Variants in CYP19A1 observed in about 807,000 individuals in gnomAD.
The protein encoded by CYP19A1 is cytochrome P450 family 19 subfamily A member 1.
In CYP19A1, 32 loss-of-function variants were observed where a neutral mutation model predicts 44.4. The ratio of observed to expected loss-of-function variants is 0.72; its 90% CI spans 0.54 to 0.97. The LOEUF (loss-of-function observed/expected upper bound fraction) is 0.97. CYP19A1 is among the 50% of genes least tolerant of loss of function. The pLI is 0.00. For missense variants in CYP19A1, 598 were observed against 637.8 expected, an observed-to-expected ratio of 0.94 and a Z score of 0.67; for synonymous variants, 212 against 215.6, an observed-to-expected ratio of 0.98 and a Z score of 0.14.
intron 1 of CYP19A1, among the ~76,000 whole-genome samples, chr15:51,288,580 C>T (rs952084845): frequency 7.2e-5 from 11 of 152,208 alleles, no homozygotes; most frequent in African/African-American, 2.7e-4. Flanking sequence ...TGGCCCACTA[C>T]AGAGAAACTC....
rs140924595 is a variant in CYP19A1 at position 51,220,978 on chromosome 15, T to C, written c.628+1371A>G. Among the ~76,000 whole-genome samples the C allele has an allele frequency of 9.5e-3, 1,442 of 151,952 alleles. 9 individuals are homozygous for C. Among genetic ancestry groups the C allele is most frequent in the Middle Eastern group, 0.037 (11 of 294 alleles). On this transcript the variant is annotated intron_variant, in intron 5 of 9. Coordinates refer to ENST00000396402, the MANE Select transcript of CYP19A1 (RefSeq NM_000103.4). ...GGTGGTAGAGTTGCATGCACATGTT[T>C]TTTTTTTTTCATCAGTAGAGTGATT...
chr15:51,292,650 G>A (rs145072321), intron 1 of CYP19A1, among the ~76,000 whole-genome samples: 113 of 152,248 alleles, frequency 7.4e-4, no homozygotes, highest in South Asian at 1.5e-3. Context: ...CTTGCACGGG[G>A]GCCAAGGGAG....
At chr15:51,282,522 A>T (rs1237331905) in intron 1 of CYP19A1, among the ~76,000 whole-genome samples, 2 of 152,172 alleles carry the variant, frequency 1.3e-5, no homozygotes, top group African/African-American at 2.4e-5. Flanking sequence ...TCTTTGTTTG[A>T]CCACCAATAA....
chr15:51,248,737 G>A (rs2034175127), intron 1 of CYP19A1, among the ~76,000 whole-genome samples: 1 of 152,098 alleles, frequency 6.6e-6, no homozygotes, highest in African/African-American at 2.4e-5. Context: ...TGTTGCCTGA[G>A]TTTGCACTGT....
chr15:51,215,097 T>C lies in CYP19A1; in HGVS notation c.994A>G (p.Ile332Val). Reference protein sequence around the residue: ...IAKHPNVEEAIIKEIQTVIGE... With the variant: ...IAKHPNVEEAVIKEIQTVIGE... ...ATAACAGTCTGGATTTCCTTTATTATTGCCTCTTCAACATTAGGGTGCTTT... is the reference window on the plus strand; with the variant it reads ...ATAACAGTCTGGATTTCCTTTATTACTGCCTCTTCAACATTAGGGTGCTTT... The change falls in exon 8 of 10, where the codon ATA becomes GTA. Residue 332 changes from isoleucine (I) to valine (V), a missense_variant. Transcript: ENST00000396402. 6 of 1,614,076 alleles carry C rather than the reference T, an allele frequency of 3.7e-6. No individual in the cohort carries two copies. Among genetic ancestry groups the C allele is most frequent in the Non-Finnish European group, 5.1e-6 (6 of 1,179,978 alleles).
chr15:51,212,786 A>G (rs1341245820), intron 8 of CYP19A1, among the ~76,000 whole-genome samples: 1 of 152,174 alleles, frequency 6.6e-6, no homozygotes, highest in African/African-American at 2.4e-5. Flanking sequence ...AAACTGGTGG[A>G]GTTTATAGAA....
chr15:51,265,464 C>T (rs1316030642), intron 1 of CYP19A1, among the ~76,000 whole-genome samples: 1 of 152,152 alleles, frequency 6.6e-6, no homozygotes, highest in Non-Finnish European at 1.5e-5. Context: ...TAGAAAGTCT[C>T]CTCAGCCCGG....
intron 1 of CYP19A1, among the ~76,000 whole-genome samples, chr15:51,254,369 A>C (rs1472738331): frequency 6.6e-6 from 1 of 152,160 alleles, no homozygotes; most frequent in Non-Finnish European, 1.5e-5. Flanking sequence ...CTGCTTCCCA[A>C]ATTAAGTCTA....
intron 1 of CYP19A1, among the ~76,000 whole-genome samples, chr15:51,302,768 A>T (rs1400270266): frequency 6.6e-6 from 1 of 152,236 alleles, no homozygotes; most frequent in East Asian, 1.9e-4. Flanking sequence ...TTTGATGTCC[A>T]GCCCACGTCT....
At chr15:51,266,003 G>A (rs936329225) in intron 1 of CYP19A1, among the ~76,000 whole-genome samples, 4 of 152,178 alleles carry the variant, frequency 2.6e-5, no homozygotes, top group Non-Finnish European at 4.4e-5. Context: ...TCTAGCTTCC[G>A]CCAACCTTGA....
At chr15:51,237,197 T>C (rs569931190) in intron 2 of CYP19A1, among the ~76,000 whole-genome samples, 188 bp from the exon 3 acceptor site, 1 of 152,320 alleles carries the variant, frequency 6.6e-6, no homozygotes, top group Non-Finnish European at 1.5e-5. Flanking sequence ...AACATGAGGC[T>C]CTTCACTTCT....
chr15:51,292,000 A>G (rs974458028), intron 1 of CYP19A1, among the ~76,000 whole-genome samples: 1 of 152,242 alleles, frequency 6.6e-6, no homozygotes, highest in African/African-American at 2.4e-5. Flanking sequence ...AGTCCAACAC[A>G]CTGTGACCTC....
intron 1 of CYP19A1, among the ~76,000 whole-genome samples, chr15:51,268,985 G>A (rs1250123992): frequency 6.6e-6 from 1 of 151,906 alleles, no homozygotes; most frequent in Non-Finnish European, 1.5e-5. Flanking sequence ...CTTTATCTTA[G>A]TCTGTGCTCT....
intron 1 of CYP19A1, among the ~76,000 whole-genome samples, chr15:51,250,184 G>A (rs887432653): frequency 6.6e-6 from 1 of 152,184 alleles, no homozygotes; most frequent in African/African-American, 2.4e-5. Flanking sequence ...GACTATTGAT[G>A]GTGTATGAAA....
intron 8 of CYP19A1, 94 bp from the exon 9 acceptor site, chr15:51,212,655 C>T: frequency 1.2e-6 from 1 of 861,664 alleles, no homozygotes; most frequent in African/African-American, 1.7e-5. Context: ...GAACCGTTTG[C>T]TCTTGGTTGA....
At chr15:51,284,350 A>G (rs1270772279) in intron 1 of CYP19A1, among the ~76,000 whole-genome samples, 2 of 152,198 alleles carry the variant, frequency 1.3e-5, no homozygotes, top group African/African-American at 4.8e-5. Context: ...TGACCCCGAC[A>G]CTGGCCCAAA....
intron 6 of CYP19A1, among the ~76,000 whole-genome samples, chr15:51,216,844 C>A (rs907146889): frequency 6.6e-6 from 1 of 152,128 alleles, no homozygotes; most frequent in Non-Finnish European, 1.5e-5. Flanking sequence ...GCCCTACATC[C>A]TTTTAAAGTG....
chr15:51,307,475 C>T (rs1006699177), intron 1 of CYP19A1, among the ~76,000 whole-genome samples: 1 of 152,132 alleles, frequency 6.6e-6, no homozygotes, highest in East Asian at 1.9e-4. Flanking sequence ...AGAATTAGCT[C>T]ATGACTAATT....
chr15:51,336,427 T>G (rs1259131068), intron 1 of CYP19A1, among the ~76,000 whole-genome samples: 4 of 152,192 alleles, frequency 2.6e-5, no homozygotes. Context: ...ACAGTAGGAA[T>G]GGGGAGTTAA....
Sources: gnomAD v4.1 joint callset for allele counts (sites outside exome capture counted in the v4.1 genomes callset) on GRCh38, gnomAD v4.1.1 for gene constraint, MANE v1.5 for transcripts, NCBI Gene and HGNC (gene_info 2026-07-23, HGNC 2026-07-21) for gene names.